The following MYL4 variants were observed in gnomAD, a reference collection of about 807,000 sequenced individuals.
MYL4 encodes myosin light chain 4, also known as atrial myosin light chain 1.
MYL4 carries 16 observed loss-of-function variants against 21.6 expected under a neutral mutation model. That is an observed-to-expected ratio of 0.74 (90% CI 0.50 to 1.12). MYL4 has a LOEUF of 1.12. Ranked by LOEUF, MYL4 falls within the 50% of genes most tolerant of loss-of-function variation. The pLI, the probability that MYL4 is intolerant of heterozygous loss-of-function variation, is 0.00. For missense variants in MYL4, 249 were observed against 252.9 expected (o/e 0.98, Z 0.11); for synonymous variants, 82 against 95.7 (o/e 0.86, Z 0.83).
intron 2 of MYL4, among the ~76,000 whole-genome samples, chr17:47,216,625 T>C (rs974622914): frequency 1.3e-5 from 2 of 152,162 alleles, no homozygotes; most frequent in Non-Finnish European, 2.9e-5. Context: ...TTATAGGTCA[T>C]TGTTCTTATT....
intron 4 of MYL4, 84 bp downstream of exon 4, chr17:47,221,939 G>T (rs2149048891): frequency 6.8e-7 from 1 of 1,475,214 alleles, no homozygotes. Flanking sequence ...TGGTTGGGTG[G>T]GGGGTGGTAT....
At chr17:47,224,683 C>T (rs1172394798), downstream of MYL4, among the ~76,000 whole-genome samples, 5 of 152,116 alleles carry the variant, frequency 3.3e-5, no homozygotes, top group South Asian at 2.1e-4. Flanking sequence ...TTTTTTAAGG[C>T]GGAATCATGT....
upstream of MYL4, chr17:47,209,086 GAGA>G (rs1314871588): frequency 4.7e-6 from 2 of 425,582 alleles, no homozygotes; most frequent in Non-Finnish European, 8.5e-6. Context: ...CGGCATATTT[GAGA>G]AGGTCTGTTT....
upstream of MYL4, among the ~76,000 whole-genome samples, chr17:47,200,102 T>C (rs1484457565): frequency 1.3e-5 from 2 of 148,694 alleles, no homozygotes; most frequent in Non-Finnish European, 3.0e-5. Context: ...GGAGAGTTGG[T>C]GGCAGAATTT....
upstream of MYL4, among the ~76,000 whole-genome samples, chr17:47,208,743 G>A (rs1017000654): frequency 6.6e-6 from 1 of 152,176 alleles, no homozygotes; most frequent in Non-Finnish European, 1.5e-5. Context: ...GACTGAGGTT[G>A]TGTGTAAGGG....
chr17:47,192,502 G>A, the MYL4 span, among the ~76,000 whole-genome samples: 93,803 of 150,716 alleles, frequency 0.62, 29,428 homozygotes, highest in Admixed American at 0.69. Context: ...ACAAAAAATT[G>A]GCCGGGCGTG....
In MYL4 at chr17:47,220,205, C is replaced by G. The variant is rs1319831812; in HGVS notation, c.313+152C>G. Reference sequence around the variant, plus strand: ...TCACCTACCCAGCTTACCCTAGTCCCATTTTGAGAATTTATCTAGACGTCC... The same window carrying G: ...TCACCTACCCAGCTTACCCTAGTCCGATTTTGAGAATTTATCTAGACGTCC... On this transcript the variant is annotated intron_variant, in intron 3 of 6. Coordinates refer to ENST00000393450, the MANE Select transcript of MYL4 (RefSeq NM_002476.2). 3.1e-6 allele frequency: 3 copies of G among 960,242 alleles called. No individual in the cohort carries two copies. The Admixed American group carries it at 9.0e-5, about 29-fold the overall frequency. The allele number at this position is 960,242 out of a possible 1,614,324, so 59.5% of individuals were successfully genotyped here. A position where few individuals can be genotyped will look rare whatever the true frequency, so the allele number is the denominator to read the frequency against.
chr17:47,211,539 T>G (rs962639739), intron 1 of MYL4, among the ~76,000 whole-genome samples: 1 of 152,234 alleles, frequency 6.6e-6, no homozygotes, highest in Non-Finnish European at 1.5e-5. Context: ...CATTGTAAAG[T>G]AAGGCAAACT....
upstream of MYL4, chr17:47,209,233 A>G (rs1484697691): frequency 2.7e-6 from 2 of 737,764 alleles, no homozygotes; most frequent in South Asian, 1.7e-5. Context: ...TGTCAGCTGT[A>G]CCCTGCTGGC....
chr17:47,224,965 G>A (rs1201076838), downstream of MYL4, among the ~76,000 whole-genome samples: 1 of 152,196 alleles, frequency 6.6e-6, no homozygotes, highest in African/African-American at 2.4e-5. Flanking sequence ...ATGATGTGAG[G>A]AAGTTAAACA....
At chr17:47,221,553 C>T (rs1390770752) in intron 3 of MYL4, 129 bp from the exon 4 acceptor site, 1 of 994,374 alleles carries the variant, frequency 1.0e-6, no homozygotes, top group Non-Finnish European at 1.5e-6. Context: ...AATGGGTGTA[C>T]CACCCAGAAT....
At chr17:47,191,088 C>T in the MYL4 span, among the ~76,000 whole-genome samples, 7 of 152,172 alleles carry the variant, frequency 4.6e-5, no homozygotes, top group South Asian at 2.1e-4. Flanking sequence ...CAACAAAGTG[C>T]GCAAAAATAG....
chr17:47,198,132 G>C (rs1439494054), upstream of MYL4, among the ~76,000 whole-genome samples: 5 of 152,200 alleles, frequency 3.3e-5, no homozygotes, highest in African/African-American at 1.2e-4. Context: ...CAGCAGAGAG[G>C]CTGCCAGGGA....
the MYL4 span, among the ~76,000 whole-genome samples, chr17:47,190,355 C>G: frequency 2.0e-5 from 3 of 152,192 alleles, no homozygotes; most frequent in Non-Finnish European, 4.4e-5. Context: ...GCAATGTAGA[C>G]TCTCTCATAT....
rs1329982334 is a variant in MYL4, at chr17:47,213,833, A to G, written c.163+7A>G. The G allele has an allele frequency of 2.5e-6, 4 of 1,613,990 alleles. No homozygotes were observed. The highest frequency in any genetic ancestry group is 2.7e-5 in the African/African-American group (2 of 75,048). On this transcript the variant is annotated splice_region_variant and intron_variant, in intron 2 of 6. Coordinates refer to ENST00000393450, the MANE Select transcript of MYL4 (RefSeq NM_002476.2). ...ACTGCCGACCAGATTGAAGGTGAGTATGGACAACCCCACCTCTCCGTCTCT... is the reference window on the plus strand; with the variant it reads ...ACTGCCGACCAGATTGAAGGTGAGTGTGGACAACCCCACCTCTCCGTCTCT...
At chr17:47,204,055 C>G (rs975632700), upstream of MYL4, among the ~76,000 whole-genome samples, 1 of 152,194 alleles carries the variant, frequency 6.6e-6, no homozygotes, top group Non-Finnish European at 1.5e-5. Flanking sequence ...TTGGGTTGCC[C>G]CCTTACCTGT....
At chr17:47,197,104 T>G (rs1009505668), upstream of MYL4, among the ~76,000 whole-genome samples, 5 of 65,514 alleles carry the variant, frequency 7.6e-5, no homozygotes, top group Non-Finnish European at 2.0e-4. Context: ...TTTTTTTTTT[T>G]TTTTTTTTTT....
At chr17:47,215,060 T>C (rs2064804090) in intron 2 of MYL4, among the ~76,000 whole-genome samples, 1 of 152,218 alleles carries the variant, frequency 6.6e-6, no homozygotes, top group African/African-American at 2.4e-5. Flanking sequence ...TAAATTATAA[T>C]GGTTATTACC....
the MYL4 span, among the ~76,000 whole-genome samples, chr17:47,192,377 C>T: frequency 1.4e-4 from 20 of 145,912 alleles, no homozygotes; most frequent in South Asian, 2.2e-4. Context: ...AGGCCAGGCG[C>T]GTTGGCTCAC....
Sources: gnomAD v4.1 joint callset for allele counts (sites outside exome capture counted in the v4.1 genomes callset) on GRCh38, gnomAD v4.1.1 for gene constraint, MANE v1.5 for transcripts, NCBI Gene and HGNC (gene_info 2026-07-23, HGNC 2026-07-21) for gene names.